The following AOPEP variants were observed in gnomAD, a reference collection of about 807,000 sequenced individuals.
The protein encoded by AOPEP is aminopeptidase O.
AOPEP carries 77 observed loss-of-function variants against 98.1 expected under a neutral mutation model. The observed-to-expected ratio is 0.78, with a 90% CI of 0.65 to 0.95. The LOEUF (loss-of-function observed/expected upper bound fraction) is 0.95, where lower values mean the gene tolerates loss of function less well. Ranked by LOEUF, AOPEP falls within the 40% of genes least tolerant of loss-of-function variation. The probability of loss-of-function intolerance (pLI) is 0.00; values close to 1 mark genes in which losing one functional copy is unlikely to be tolerated. For synonymous variants in AOPEP, 346 were observed against 365.3 expected (o/e 0.95, Z 0.60); for missense variants, 1,024 against 1,024.7 (o/e 1.00, Z 0.01).
At chr9:94,799,159 C>T (rs1282907678) in intron 4 of AOPEP, among the ~76,000 whole-genome samples, 2 of 152,204 alleles carry the variant, frequency 1.3e-5, no homozygotes, top group African/African-American at 4.8e-5. Context: ...GTGAAAGGTA[C>T]TTCTTACATT....
chr9:94,826,455 G>A (rs940246562), intron 5 of AOPEP, among the ~76,000 whole-genome samples: 5 of 152,158 alleles, frequency 3.3e-5, no homozygotes, highest in Admixed American at 1.3e-4. Context: ...TGATCCACAT[G>A]GTGGGGAAGG....
intron 6 of AOPEP, among the ~76,000 whole-genome samples, chr9:94,927,552 C>A (rs2054547260): frequency 6.6e-6 from 1 of 152,214 alleles, no homozygotes; most frequent in African/African-American, 2.4e-5. Flanking sequence ...CTCCTCCTTC[C>A]CTGAGGATCA....
chr9:94,855,207 A>T (rs10821407), intron 5 of AOPEP, among the ~76,000 whole-genome samples: 3 of 151,804 alleles, frequency 2.0e-5, no homozygotes, highest in East Asian at 2.0e-4. Context: ...CCTCCTGAGT[A>T]GCTGGGACTA....
chr9:94,943,014 CAG>C (rs1395828044), intron 7 of AOPEP, among the ~76,000 whole-genome samples: 1 of 148,158 alleles, frequency 6.7e-6, no homozygotes, highest in African/African-American at 2.5e-5. Context: ...ATACAACAAA[CAG>C]AAAAAATGTA....
At chr9:94,786,449 A>G (rs990603070) in intron 3 of AOPEP, among the ~76,000 whole-genome samples, 2 of 152,206 alleles carry the variant, frequency 1.3e-5, no homozygotes, top group Admixed American at 1.3e-4. Context: ...GCTTATTCCA[A>G]ACAATAGACA....
chr9:94,749,638 T>C (rs1240950836), intron 1 of AOPEP, among the ~76,000 whole-genome samples: 1 of 152,250 alleles, frequency 6.6e-6, no homozygotes, highest in East Asian at 1.9e-4. Flanking sequence ...TCTATAATCA[T>C]GAATCTTCTG....
the AOPEP span, among the ~76,000 whole-genome samples, chr9:95,139,410 C>T: frequency 4.6e-5 from 7 of 152,140 alleles, no homozygotes; most frequent in South Asian, 4.1e-4. Flanking sequence ...TGTTAATCAT[C>T]GTACTGCTGT....
rs1278245787 is a variant in AOPEP at position 94,876,397 on chromosome 9, G to T, written c.1365-47589G>T. 2.0e-5 allele frequency among the ~76,000 whole-genome samples: 3 copies of T among 146,394 alleles called. No individual in the cohort carries two copies. The South Asian group carries it at 6.5e-4, about 32-fold the overall frequency. On this transcript the variant is annotated intron_variant, in intron 5 of 16. Coordinates refer to ENST00000375315, the MANE Select transcript of AOPEP (RefSeq NM_001193329.3). Reference sequence around the variant, plus strand: ...TTTTTTTTTTTGGAGATGGAGTCTCGCTTTATCCCCCAGGCTGGAGTGCAA... The same window carrying T: ...TTTTTTTTTTTGGAGATGGAGTCTCTCTTTATCCCCCAGGCTGGAGTGCAA...
At chr9:95,150,132 C>T in the AOPEP span, 4 of 1,605,452 alleles carry the variant, frequency 2.5e-6, no homozygotes, top group African/African-American at 2.7e-5. Context: ...AAGAGCCATG[C>T]ATAATTAAGG....
chr9:95,107,184 CCTG>C, the AOPEP span: 1 of 1,614,188 alleles, frequency 6.2e-7, no homozygotes, highest in Non-Finnish European at 8.5e-7. Flanking sequence ...TGTGCCCTGT[CCTG>C]CTACCGTCTG....
chr9:94,893,864 A>G (rs533235114), intron 5 of AOPEP, among the ~76,000 whole-genome samples: 1 of 152,356 alleles, frequency 6.6e-6, no homozygotes, highest in African/African-American at 2.4e-5. Flanking sequence ...CTGACAGTTC[A>G]TGGAACATTT....
chr9:95,126,597 A>C, the AOPEP span: 1 of 1,613,744 alleles, frequency 6.2e-7, no homozygotes, highest in Non-Finnish European at 8.5e-7. Flanking sequence ...AAAGGAGAAG[A>C]CCATGAGAAT....
chr9:94,948,203 A>C (rs562095598), intron 7 of AOPEP, among the ~76,000 whole-genome samples: 17 of 152,232 alleles, frequency 1.1e-4, no homozygotes, highest in Non-Finnish European at 2.1e-4. Flanking sequence ...AAGCCAGTAA[A>C]TCACCATTCC....
At chr9:94,803,756 A>C (rs183043070) in intron 5 of AOPEP, among the ~76,000 whole-genome samples, 158 of 152,174 alleles carry the variant, frequency 1.0e-3, no homozygotes, top group Non-Finnish European at 1.7e-3. Flanking sequence ...CCCCTCCCCT[A>C]CCCTGGTCCT....
At chr9:94,907,551 C>T (rs1298098535) in intron 5 of AOPEP, among the ~76,000 whole-genome samples, 1 of 151,872 alleles carries the variant, frequency 6.6e-6, no homozygotes, top group African/African-American at 2.4e-5. Context: ...GAAAGGGCTG[C>T]CTGTTTTTTT....
chr9:95,093,472 T>A, the AOPEP span, among the ~76,000 whole-genome samples: 1 of 152,196 alleles, frequency 6.6e-6, no homozygotes, highest in African/African-American at 2.4e-5. Flanking sequence ...CTCCTTCCCT[T>A]CAGGGCAGCG....
intron 5 of AOPEP, among the ~76,000 whole-genome samples, chr9:94,869,376 T>C (rs1295718275): frequency 1.3e-5 from 2 of 152,262 alleles, no homozygotes; most frequent in Admixed American, 1.3e-4. Flanking sequence ...AGTTGTTGAC[T>C]GTTAGTGAAT....
chr9:94,807,175 C>G (rs1430343904), intron 5 of AOPEP, among the ~76,000 whole-genome samples: 1 of 152,194 alleles, frequency 6.6e-6, no homozygotes, highest in Admixed American at 6.5e-5. Flanking sequence ...GGCTCTCTCT[C>G]TTCTGTTGGA....
chr9:94,906,483 A>AATAATAATAATAATAATAAT (rs138384769), intron 5 of AOPEP, among the ~76,000 whole-genome samples: 6,872 of 145,504 alleles, frequency 0.047, 277 homozygotes, highest in Non-Finnish European at 0.065. Flanking sequence ...TAATAATAAT[A>AATAATAATAATAATAATAAT]AAAAAACAGA....
Sources: allele counts gnomAD v4.1 joint callset (sites outside exome capture counted in the v4.1 genomes callset), GRCh38; gene constraint gnomAD v4.1.1; transcripts MANE v1.5; gene names NCBI Gene and HGNC (gene_info 2026-07-23, HGNC 2026-07-21).